Variants in RPS6KC1 observed in about 807,000 individuals in gnomAD.
RPS6KC1 encodes inactive ribosomal protein S6 kinase delta-1.
In RPS6KC1, 54 loss-of-function variants were observed where a neutral mutation model predicts 103.8. The ratio of observed to expected loss-of-function variants is 0.52; its 90% CI spans 0.42 to 0.65. RPS6KC1 has a LOEUF of 0.65. Ranked by LOEUF, RPS6KC1 falls within the 30% of genes least tolerant of loss-of-function variation. The pLI is 0.00. For missense variants in RPS6KC1, 1,151 were observed against 1,253.8 expected (o/e 0.92, Z 1.24); for synonymous variants, 439 against 438.7 (o/e 1.00, Z -0.01).
the RPS6KC1 span, among the ~76,000 whole-genome samples, chr1:213,682,259 G>A: frequency 7.5e-4 from 114 of 152,154 alleles, no homozygotes; most frequent in Non-Finnish European, 1.2e-3. Context: ...ATTCTTCTCC[G>A]TCCCTCATTT....
intron 9 of RPS6KC1, 106 bp downstream of exon 9, chr1:213,230,650 C>A: frequency 1.6e-6 from 1 of 631,664 alleles, no homozygotes; most frequent in Non-Finnish European, 2.6e-6. Flanking sequence ...TCCTGGCCAA[C>A]ATGGTGAAAC....
chr1:213,723,947 G>C, the RPS6KC1 span, among the ~76,000 whole-genome samples: 1 of 152,012 alleles, frequency 6.6e-6, no homozygotes, highest in East Asian at 1.9e-4. Flanking sequence ...GGGGGGTTGG[G>C]GGGGACAGTG....
chr1:213,672,066 G>A, the RPS6KC1 span, among the ~76,000 whole-genome samples: 1 of 152,102 alleles, frequency 6.6e-6, no homozygotes, highest in Non-Finnish European at 1.5e-5. Flanking sequence ...ACTATCCAAG[G>A]ATAGGTTGTT....
At chr1:213,248,908 A>G (rs1269579113) in intron 12 of RPS6KC1, among the ~76,000 whole-genome samples, 2 of 152,212 alleles carry the variant, frequency 1.3e-5, no homozygotes, top group East Asian at 1.9e-4. Context: ...ATGTTTTGAT[A>G]CAGAAGAGGT....
the RPS6KC1 span, among the ~76,000 whole-genome samples, chr1:213,805,321 G>A: frequency 6.6e-6 from 1 of 152,150 alleles, no homozygotes; most frequent in African/African-American, 2.4e-5. Flanking sequence ...CATATTAACC[G>A]CAGTAGAATT....
At chr1:213,508,116 CA>C in the RPS6KC1 span, among the ~76,000 whole-genome samples, 4 of 152,150 alleles carry the variant, frequency 2.6e-5, no homozygotes, top group Non-Finnish European at 4.4e-5. Context: ...CTCCTGTTCC[CA>C]ATGCCTCATG....
chr1:213,241,267 C>T lies in RPS6KC1; in HGVS notation c.1791C>T (p.Pro597=). The T allele has an allele frequency of 1.2e-6, 2 of 1,613,834 alleles. No homozygotes were observed. Among genetic ancestry groups the T allele is most frequent in the Non-Finnish European group, 1.7e-6 (2 of 1,179,890 alleles). ...CCCTCAGTAGATCAAAAAATAGCCCCATGGAATTCTTTAGGATAGACAGTA... is the reference window on the plus strand; with the variant it reads ...CCCTCAGTAGATCAAAAAATAGCCCTATGGAATTCTTTAGGATAGACAGTA... ...SDSLSRSKNS[P]MEFFRIDSKD... The change falls in exon 11 of 15, where the codon CCC becomes CCT. Residue 597 remains proline, a synonymous_variant. Transcript: ENST00000366960.
intron 6 of RPS6KC1, among the ~76,000 whole-genome samples, chr1:213,144,992 T>G (rs1234340566): frequency 6.6e-6 from 1 of 152,014 alleles, no homozygotes; most frequent in Admixed American, 6.6e-5. Flanking sequence ...GGAGAATCAC[T>G]TGAACCTGGG....
chr1:213,454,169 T>C, the RPS6KC1 span, among the ~76,000 whole-genome samples: 1 of 152,088 alleles, frequency 6.6e-6, no homozygotes, highest in Non-Finnish European at 1.5e-5. Context: ...GCATTCCTAA[T>C]TTCTGTGTTC....
the RPS6KC1 span, among the ~76,000 whole-genome samples, chr1:213,553,528 A>G: frequency 6.6e-6 from 1 of 152,160 alleles, no homozygotes; most frequent in Non-Finnish European, 1.5e-5. Context: ...ATGCCCAGTA[A>G]TGGTATTGCT....
At chr1:213,796,232 G>C in the RPS6KC1 span, among the ~76,000 whole-genome samples, 6 of 152,110 alleles carry the variant, frequency 3.9e-5, no homozygotes, top group African/African-American at 1.2e-4. Flanking sequence ...TGATCCTTGA[G>C]TTCTCCCAAG....
At chr1:213,069,892 A>G (rs2078713975) in intron 1 of RPS6KC1, among the ~76,000 whole-genome samples, 1 of 152,118 alleles carries the variant, frequency 6.6e-6, no homozygotes, top group African/African-American at 2.4e-5. Flanking sequence ...ATGCTGTTTG[A>G]TGATTTAAAC....
the RPS6KC1 span, among the ~76,000 whole-genome samples, chr1:213,345,418 G>A: frequency 6.6e-6 from 1 of 152,080 alleles, no homozygotes; most frequent in African/African-American, 2.4e-5. Flanking sequence ...TGTAGCTTTG[G>A]TCATTTGGGC....
At chr1:213,545,426 AAAATAAAAGAG>A in the RPS6KC1 span, among the ~76,000 whole-genome samples, 3,099 of 80,622 alleles carry the variant, frequency 0.038, 63 homozygotes, top group Non-Finnish European at 0.062. Context: ...AAAATAAAAT[AAAATAAAAGAG>A]AGAGAGAGAG....
chr1:213,525,562 AG>A, the RPS6KC1 span, among the ~76,000 whole-genome samples: 2 of 152,196 alleles, frequency 1.3e-5, no homozygotes, highest in Non-Finnish European at 1.5e-5. Context: ...GAGTGGATAA[AG>A]AGAAAAGGTC....
chr1:213,119,515 G>T (rs2084137882), intron 5 of RPS6KC1, among the ~76,000 whole-genome samples: 1 of 126,406 alleles, frequency 7.9e-6, no homozygotes, highest in Non-Finnish European at 1.6e-5. Context: ...TATTCAATGA[G>T]GAGTGCAATA....
intron 8 of RPS6KC1, among the ~76,000 whole-genome samples, chr1:213,218,509 G>A (rs1425689462): frequency 6.6e-6 from 1 of 152,016 alleles, no homozygotes; most frequent in Non-Finnish European, 1.5e-5. Context: ...TCACAGAATT[G>A]GAAAAAACTA....
chr1:213,856,082 G>A, the RPS6KC1 span, among the ~76,000 whole-genome samples: 11 of 152,152 alleles, frequency 7.2e-5, no homozygotes, highest in Non-Finnish European at 1.2e-4. Flanking sequence ...GGGAACTGTC[G>A]GCTGAAGCTT....
At chr1:213,648,014 G>A in the RPS6KC1 span, among the ~76,000 whole-genome samples, 3 of 152,244 alleles carry the variant, frequency 2.0e-5, no homozygotes, top group East Asian at 3.9e-4. Context: ...ATACTTGCTT[G>A]TTATCATGGC....
Sources: gnomAD v4.1 joint callset for allele counts (sites outside exome capture counted in the v4.1 genomes callset) on GRCh38, gnomAD v4.1.1 for gene constraint, MANE v1.5 for transcripts, NCBI Gene and HGNC (gene_info 2026-07-23, HGNC 2026-07-21) for gene names.